The following GRIA1 variants were observed in gnomAD, a reference collection of about 807,000 sequenced individuals.
GRIA1 encodes glutamate ionotropic receptor AMPA type subunit 1, also known as glutamate receptor 1.
In GRIA1, 31 loss-of-function variants were observed where a neutral mutation model predicts 99.2. The ratio of observed to expected loss-of-function variants is 0.31; its 90% confidence interval spans 0.23 to 0.42. The LOEUF is 0.42. Ranked by LOEUF, GRIA1 falls within the 10% of genes least tolerant of loss-of-function variation. GRIA1 has a pLI of 1.00. For synonymous variants in GRIA1, 438 were observed against 432.4 expected (o/e 1.01, Z -0.16); for missense variants, 782 against 1,157.5 (o/e 0.68, Z 4.71).
At chr5:153,785,298 T>C (rs1407528173) in intron 13 of GRIA1, among the ~76,000 whole-genome samples, 4 of 152,172 alleles carry the variant, frequency 2.6e-5, no homozygotes, top group African/African-American at 9.7e-5. Context: ...TAAATGTGTT[T>C]AAACTTTACT....
chr5:153,750,969 G>A (rs774109361), intron 11 of GRIA1, among the ~76,000 whole-genome samples: 5 of 152,006 alleles, frequency 3.3e-5, no homozygotes, highest in Non-Finnish European at 7.4e-5. Flanking sequence ...GCGTGGTGGC[G>A]CATACCTGTA....
Position 153,666,330 on chromosome 5 carries a change from C to T in GRIA1, c.700-8170C>T, listed in dbSNP as rs769500804. Reference sequence around the variant, plus strand: ...AGGGAAGATGAGAAGGGCCCCTGCACGTTCAAAGAGAAAGCTAGGAGAGGC... The same window carrying T: ...AGGGAAGATGAGAAGGGCCCCTGCATGTTCAAAGAGAAAGCTAGGAGAGGC... On this transcript the variant is annotated intron_variant, in intron 5 of 15. Coordinates refer to ENST00000285900, the MANE Select transcript of GRIA1 (RefSeq NM_000827.4). 1.2e-3 allele frequency among the ~76,000 whole-genome samples: 190 copies of T among 152,170 alleles called. 1 individual carries two copies. Among genetic ancestry groups the T allele is most frequent in the Non-Finnish European group, 2.1e-3 (146 of 68,012 alleles).
intron 2 of GRIA1, among the ~76,000 whole-genome samples, chr5:153,561,510 G>A (rs1386716481): frequency 6.6e-6 from 1 of 152,194 alleles, no homozygotes; most frequent in Admixed American, 6.5e-5. Flanking sequence ...GCCTGGACAA[G>A]TGTCTGTGAT....
At chr5:153,584,537 C>A (rs147327524) in intron 2 of GRIA1, among the ~76,000 whole-genome samples, 2 of 152,286 alleles carry the variant, frequency 1.3e-5, no homozygotes, top group African/African-American at 4.8e-5. Flanking sequence ...TCAAAGTAAG[C>A]AAATCTAAAG....
intron 11 of GRIA1, among the ~76,000 whole-genome samples, chr5:153,720,308 T>G (rs1438784053): frequency 6.6e-6 from 1 of 152,206 alleles, no homozygotes. Context: ...TCAACACCTT[T>G]CAGGTTATGT....
intron 11 of GRIA1, among the ~76,000 whole-genome samples, chr5:153,725,223 G>A (rs1447663345): frequency 1.3e-5 from 2 of 151,644 alleles, no homozygotes; most frequent in Non-Finnish European, 2.9e-5. Flanking sequence ...CACCAGGCCT[G>A]CCCTAAAAGA....
intron 11 of GRIA1, among the ~76,000 whole-genome samples, chr5:153,706,369 T>C (rs1015152976): frequency 6.6e-6 from 1 of 152,204 alleles, no homozygotes; most frequent in African/African-American, 2.4e-5. Flanking sequence ...CATTGTGTGG[T>C]ACAACTAACA....
chr5:153,709,163 T>A (rs1286052288), intron 11 of GRIA1, among the ~76,000 whole-genome samples: 2 of 152,230 alleles, frequency 1.3e-5, no homozygotes, highest in Non-Finnish European at 2.9e-5. Flanking sequence ...GTTGTTTATA[T>A]ATTTCCTGAT....
At chr5:153,524,781 G>T (rs541993945) in intron 2 of GRIA1, among the ~76,000 whole-genome samples, 1 of 152,244 alleles carries the variant, frequency 6.6e-6, no homozygotes, top group South Asian at 2.1e-4. Flanking sequence ...AACAAACTTT[G>T]TTGATGCATT....
chr5:153,551,749 C>T (rs1760164444), intron 2 of GRIA1, among the ~76,000 whole-genome samples: 1 of 152,152 alleles, frequency 6.6e-6, no homozygotes, highest in African/African-American at 2.4e-5. Flanking sequence ...CCTCCCTGAA[C>T]CCCTGCTTTC....
chr5:153,553,749 T>C lies in GRIA1; in HGVS notation c.220+59684T>C, dbSNP rs1411350101. 3.9e-5 allele frequency among the ~76,000 whole-genome samples: 6 copies of C among 152,330 alleles called. No individual in the cohort carries two copies. In the South Asian group the frequency reaches 8.3e-4, roughly 21 times the overall value. On this transcript the variant is annotated intron_variant, in intron 2 of 15. Coordinates refer to ENST00000285900, the MANE Select transcript of GRIA1 (RefSeq NM_000827.4). ...GCTCATTCACCCAGTTTCTGAGATATTGGGAAAATGCGATCACCAGTTTCA... is the reference window on the plus strand; with the variant it reads ...GCTCATTCACCCAGTTTCTGAGATACTGGGAAAATGCGATCACCAGTTTCA...
chr5:153,690,268 T>C (rs1239174007), intron 8 of GRIA1, among the ~76,000 whole-genome samples: 1 of 150,022 alleles, frequency 6.7e-6, no homozygotes. Flanking sequence ...TAATATAATA[T>C]AATATAATAT....
At chr5:153,795,938 T>G (rs1251523871) in intron 14 of GRIA1, among the ~76,000 whole-genome samples, 3 of 152,044 alleles carry the variant, frequency 2.0e-5, no homozygotes, top group Admixed American at 2.0e-4. Flanking sequence ...ATGGTCCTTT[T>G]GGCTACCCCT....
At chr5:153,491,960 A>T (rs1232844925) in intron 1 of GRIA1, among the ~76,000 whole-genome samples, 3 of 152,188 alleles carry the variant, frequency 2.0e-5, no homozygotes, top group African/African-American at 7.2e-5. Flanking sequence ...CACCAATCAC[A>T]AAGCATGTCC....
intron 2 of GRIA1, among the ~76,000 whole-genome samples, chr5:153,505,210 A>G (rs1012330491): frequency 2.0e-5 from 3 of 152,204 alleles, no homozygotes; most frequent in African/African-American, 7.2e-5. Flanking sequence ...ACAAGACTGT[A>G]ATGATTGAAA....
Position 153,628,155 on chromosome 5 carries a change from G to A in GRIA1, c.221-18773G>A, listed in dbSNP as rs375424225. Among the ~76,000 whole-genome samples the A allele has an allele frequency of 9.8e-5, 15 of 152,332 alleles. No individual in the cohort carries two copies. In the South Asian group the frequency reaches 1.7e-3, roughly 17 times the overall value. On this transcript the variant is annotated intron_variant, in intron 2 of 15. Coordinates refer to ENST00000285900, the MANE Select transcript of GRIA1 (RefSeq NM_000827.4). ...AAGCCAAGAACTATGAGAGCCCAGC[G>A]AAGGATGGATTAATTCTGACTGGGA...
chr5:153,528,010 T>C (rs1757759577), intron 2 of GRIA1, among the ~76,000 whole-genome samples: 2 of 152,214 alleles, frequency 1.3e-5, no homozygotes, highest in South Asian at 2.1e-4. Context: ...TTTTGACTTA[T>C]TACTTTATGA....
chr5:153,544,813 A>G (rs1374081662), intron 2 of GRIA1, among the ~76,000 whole-genome samples: 1 of 152,198 alleles, frequency 6.6e-6, no homozygotes, highest in Non-Finnish European at 1.5e-5. Flanking sequence ...GGCCAGTATT[A>G]TGATAAAGAT....
chr5:153,698,194 A>G (rs746062474), intron 9 of GRIA1, 40 bp downstream of exon 9: 2 of 1,104,372 alleles, frequency 1.8e-6, no homozygotes, highest in African/African-American at 1.5e-5. Flanking sequence ...TTGGGATTCA[A>G]GCTAGGCCAG....
Sources: allele counts gnomAD v4.1 joint callset (sites outside exome capture counted in the v4.1 genomes callset), GRCh38; gene constraint gnomAD v4.1.1; transcripts MANE v1.5; gene names NCBI Gene and HGNC (gene_info 2026-07-23, HGNC 2026-07-21).